The following ITGB3 variants were observed in gnomAD, a reference collection of about 807,000 sequenced individuals.
The protein encoded by ITGB3 is integrin subunit beta 3, also known as integrin beta-3.
A neutral mutation model predicts 85.8 loss-of-function variants in ITGB3; 48 were observed. The ratio of observed to expected loss-of-function variants is 0.56; its 90% CI spans 0.44 to 0.71. The LOEUF (loss-of-function observed/expected upper bound fraction) is 0.71, where lower values mean the gene tolerates loss of function less well. ITGB3 is among the 30% of genes least tolerant of loss of function. The pLI, the probability that ITGB3 is intolerant of heterozygous loss-of-function variation, is 0.00. For synonymous variants in ITGB3, 363 were observed against 395.6 expected (o/e 0.92, Z 0.98); for missense variants, 861 against 1,019.1 (o/e 0.84, Z 2.11).
chr17:47,300,446 T>C, intron 11 of ITGB3, 32 bp from the exon 12 acceptor site: 1 of 1,538,282 alleles, frequency 6.5e-7, no homozygotes, highest in Non-Finnish European at 9.0e-7. Context: ...TGCTCCTTCT[T>C]TGCCTTAATC....
At chr17:47,300,346 C>CGCGCGCGCGCGTGTGTGT in intron 11 of ITGB3, 132 bp from the exon 12 acceptor site, 6 of 619,016 alleles carry the variant, frequency 9.7e-6, no homozygotes, top group South Asian at 7.9e-5. Flanking sequence ...CGCGCGCGCG[C>CGCGCGCGCGCGTGTGTGT]GTGTGTGTGT....
intron 7 of ITGB3, 21 bp from the exon 8 acceptor site, chr17:47,290,164 C>A (rs1489181919): frequency 6.3e-7 from 1 of 1,593,028 alleles, no homozygotes; most frequent in Admixed American, 1.7e-5. Flanking sequence ...AAGCTCTGGA[C>A]ATCTTTGTTT....
intron 13 of ITGB3, among the ~76,000 whole-genome samples, chr17:47,305,163 T>G (rs2065182820): frequency 6.6e-6 from 1 of 152,192 alleles, no homozygotes; most frequent in Admixed American, 6.5e-5. Context: ...GATTTTACTT[T>G]GATAATTGAG....
intron 1 of ITGB3, among the ~76,000 whole-genome samples, chr17:47,263,720 C>T (rs1806687): frequency 0.22 from 33,403 of 152,026 alleles, 3,981 homozygotes; most frequent in African/African-American, 0.31. Flanking sequence ...GAACTCCTGA[C>T]CTCAGGTGAT....
intron 1 of ITGB3, among the ~76,000 whole-genome samples, chr17:47,255,384 G>T (rs2064985571): frequency 6.6e-6 from 1 of 152,122 alleles, no homozygotes; most frequent in South Asian, 2.1e-4. Context: ...TGTATGTATA[G>T]ACGTATAACT....
At position 47,274,443 on chromosome 17, in the gene ITGB3, GTGTGAGCTCCTGCCAGCAGTGCCTGGC is replaced by G; in HGVS notation, c.112_138del (p.Ser38_Ser46del). 6 of 1,613,614 alleles carry G rather than the reference GTGTGAGCTCCTGCCAGCAGTGCCTGGC, an allele frequency of 3.7e-6. No homozygotes were observed. Among genetic ancestry groups the G allele is most frequent in the Non-Finnish European group, 4.2e-6 (5 of 1,179,978 alleles). On this transcript the variant is annotated inframe_deletion, in exon 2 of 15. Coordinates refer to ENST00000559488, the MANE Select transcript of ITGB3 (RefSeq NM_000212.3). ...GGGCCCAACATCTGTACCACGCGAGGTGTGAGCTCCTGCCAGCAGTGCCTGGCTGTGAGCCCCATGTGTGCCTGGTGC... is the reference window on the plus strand; with the variant it reads ...GGGCCCAACATCTGTACCACGCGAGGTGTGAGCCCCATGTGTGCCTGGTGC...
At chr17:47,308,812 T>C (rs2065200799) in intron 14 of ITGB3, among the ~76,000 whole-genome samples, 1 of 152,222 alleles carries the variant, frequency 6.6e-6, no homozygotes, top group Admixed American at 6.5e-5. Flanking sequence ...AATGTGTTTC[T>C]TGAAGCTACC....
chr17:47,304,791 A>G (rs1438648551), intron 13 of ITGB3, among the ~76,000 whole-genome samples: 1 of 152,192 alleles, frequency 6.6e-6, no homozygotes, highest in South Asian at 2.1e-4. Context: ...TATTTTTAGT[A>G]GAGACAGGGT....
intron 6 of ITGB3, among the ~76,000 whole-genome samples, chr17:47,287,702 A>G (rs1235033602): frequency 6.6e-6 from 1 of 152,142 alleles, no homozygotes; most frequent in African/African-American, 2.4e-5. Flanking sequence ...TGAGTCCAGG[A>G]GTTTGAAACC....
At chr17:47,282,023 G>A (rs1319162924) in intron 2 of ITGB3, among the ~76,000 whole-genome samples, 1 of 152,190 alleles carries the variant, frequency 6.6e-6, no homozygotes, top group African/African-American at 2.4e-5. Flanking sequence ...ATCTTGGCTT[G>A]CTGCAACCTC....
intron 12 of ITGB3, among the ~76,000 whole-genome samples, chr17:47,301,988 C>T (rs1254002958): frequency 1.3e-5 from 2 of 152,158 alleles, no homozygotes; most frequent in Admixed American, 6.5e-5. Context: ...TGCTTCATCA[C>T]TCATTTGCTG....
intron 6 of ITGB3, 149 bp from the exon 7 acceptor site, chr17:47,289,532 C>T (rs2065117148): frequency 1.5e-6 from 1 of 669,132 alleles, no homozygotes; most frequent in Non-Finnish European, 2.6e-6. Context: ...GCTATGTTGC[C>T]CAGGCTCTTG....
Position 47,311,798 on chromosome 17 carries a change from T to C in ITGB3, c.*1594T>C, listed in dbSNP as rs980210064. On this transcript the variant is annotated 3_prime_UTR_variant, in exon 15 of 15. Coordinates refer to ENST00000559488, the MANE Select transcript of ITGB3 (RefSeq NM_000212.3). ...TGCCCAAGAAAAAAAGAAAGACTTA[T>C]CAACATTTGTTCCATGAGCAGAAAA... 3.3e-5 allele frequency: 5 copies of C among 152,216 alleles called. No homozygotes were observed. The highest frequency in any genetic ancestry group is 3.3e-4 in the Admixed American group (5 of 15,270). The allele number at this position is 152,216 out of a possible 1,614,324, so 9.4% of individuals were successfully genotyped here.
chr17:47,302,719 A>T lies in ITGB3; in HGVS notation c.2015-2A>T, dbSNP rs1471331808. The T allele has an allele frequency of 6.2e-7, 1 of 1,614,134 alleles. No homozygotes were observed. Among genetic ancestry groups the T allele is most frequent in the Admixed American group, 1.7e-5 (1 of 60,008 alleles). ...TTATTCCTCCATTTTCCCTACTCCC[A>T]GAGGACACTGGCAAGGATGCAGTGA... On this transcript the variant is annotated splice_acceptor_variant, in intron 12 of 14. Coordinates refer to ENST00000559488, the MANE Select transcript of ITGB3 (RefSeq NM_000212.3). LOFTEE classifies it high-confidence loss of function.
intron 2 of ITGB3, among the ~76,000 whole-genome samples, chr17:47,281,861 C>A (rs990591696): frequency 6.6e-6 from 1 of 152,162 alleles, no homozygotes; most frequent in Admixed American, 6.5e-5. Context: ...TGTGTGACAT[C>A]CCTGTGAGGG....
At chr17:47,300,347 GT>G (rs2143132673) in intron 11 of ITGB3, 130 bp from the exon 12 acceptor site, 1 of 652,298 alleles carries the variant, frequency 1.5e-6, no homozygotes, top group Non-Finnish European at 2.7e-6. Context: ...GCGCGCGCGC[GT>G]GTGTGTGTGT....
Position 47,289,791 on chromosome 17 carries a change from G to C in ITGB3, c.1035+15G>C. The C allele has an allele frequency of 1.3e-6, 2 of 1,597,382 alleles. No individual in the cohort carries two copies. Among genetic ancestry groups the C allele is most frequent in the South Asian group, 2.2e-5 (2 of 90,726 alleles). On this transcript the variant is annotated intron_variant, in intron 7 of 14. Coordinates refer to ENST00000559488, the MANE Select transcript of ITGB3 (RefSeq NM_000212.3). ...ATCTCTATCAGGTGACTGTGCCTTC[G>C]GGCTTCCTGGAGTGGGCCCTGTGAT...
intron 14 of ITGB3, 106 bp downstream of exon 14, chr17:47,307,743 C>G (rs2065194681): frequency 1.8e-6 from 2 of 1,085,602 alleles, no homozygotes; most frequent in African/African-American, 3.1e-5. Flanking sequence ...ATCGTCTTTC[C>G]ATTATCCTCT....
chr17:47,302,246 A>C (rs577304612), intron 12 of ITGB3, among the ~76,000 whole-genome samples: 1 of 152,112 alleles, frequency 6.6e-6, no homozygotes, highest in Non-Finnish European at 1.5e-5. Flanking sequence ...TAAGCAAACT[A>C]TTAAGAATCA....
Sources: allele counts gnomAD v4.1 joint callset (sites outside exome capture counted in the v4.1 genomes callset), GRCh38; gene constraint gnomAD v4.1.1; transcripts MANE v1.5; gene names NCBI Gene and HGNC (gene_info 2026-07-23, HGNC 2026-07-21).